The following ADGRF5 variants were observed in gnomAD, a reference collection of about 807,000 sequenced individuals.
ADGRF5 encodes adhesion G protein-coupled receptor F5, also known as G-protein coupled receptor 116.
A neutral mutation model predicts 132.3 loss-of-function variants in ADGRF5; 75 were observed. The observed-to-expected ratio is 0.57, with a 90% confidence interval of 0.47 to 0.69. The LOEUF is 0.69. ADGRF5 is among the 30% of genes least tolerant of loss of function. The pLI is 0.00. For synonymous variants in ADGRF5, 629 were observed against 597.6 expected (o/e 1.05, Z -0.77); for missense variants, 1,516 against 1,630.6 (o/e 0.93, Z 1.21).
At chr6:46,862,646 A>G (rs1445179667) in intron 15 of ADGRF5, among the ~76,000 whole-genome samples, 1 of 136,554 alleles carries the variant, frequency 7.3e-6, no homozygotes, top group African/African-American at 2.8e-5. Context: ...AGGTTAAGGT[A>G]TCTAGTCGGT....
chr6:46,863,083 T>G lies in ADGRF5; in HGVS notation c.2004A>C (p.Thr668=). The G allele has an allele frequency of 6.2e-7, 1 of 1,613,196 alleles. No homozygotes were observed. The highest frequency in any genetic ancestry group is 2.2e-5 in the East Asian group (1 of 44,862). The change falls in exon 15 of 21, where the codon ACA becomes ACC. Residue 668 remains threonine (T), a synonymous_variant. Coordinates refer to ENST00000283296, the MANE Select transcript of ADGRF5 (RefSeq NM_001098518.2). ...KLNLVPGENI[T]CQDPVIGVGE... ...CGACACCTATTACGGGATCCTGGCATGTGATGTTTTCCCCTGTGTTGGAAA... is the reference window on the plus strand; with the variant it reads ...CGACACCTATTACGGGATCCTGGCAGGTGATGTTTTCCCCTGTGTTGGAAA...
At chr6:46,901,221 G>A (rs954079521) in intron 2 of ADGRF5, among the ~76,000 whole-genome samples, 4 of 152,134 alleles carry the variant, frequency 2.6e-5, no homozygotes, top group Non-Finnish European at 5.9e-5. Flanking sequence ...CAGCTCTGCA[G>A]CTGGTAACAG....
chr6:46,873,927 C>A (rs1771359844), intron 10 of ADGRF5, among the ~76,000 whole-genome samples: 1 of 152,208 alleles, frequency 6.6e-6, no homozygotes, highest in Non-Finnish European at 1.5e-5. Context: ...TTAGATTACT[C>A]TTCTGAAATA....
Position 46,852,552 on chromosome 6 carries a change from G to A in ADGRF5, c.*1440C>T, listed in dbSNP as rs1768609193. On this transcript the variant is annotated 3_prime_UTR_variant, in exon 21 of 21. Transcript: ENST00000283296. ...GGATCGGACTTTTATTTGCAATGTA[G>A]CGTTGCTGTATCAATAGTACATGGT... 1 of 152,072 alleles carries A rather than the reference G, an allele frequency of 6.6e-6. No homozygotes were observed. Among genetic ancestry groups the A allele is most frequent in the South Asian group, 2.1e-4 (1 of 4,828 alleles). 9.4% of individuals were successfully genotyped at this position (152,072 alleles called of 1,614,324 possible).
chr6:46,860,297 C>G (rs1180753753), intron 16 of ADGRF5, among the ~76,000 whole-genome samples: 3 of 152,154 alleles, frequency 2.0e-5, no homozygotes, highest in African/African-American at 7.2e-5. Context: ...TCATTAAAGT[C>G]TCTTCATTTG....
At chr6:46,899,920 C>T in intron 3 of ADGRF5, 109 bp downstream of exon 3, 1 of 788,754 alleles carries the variant, frequency 1.3e-6, no homozygotes, top group Non-Finnish European at 2.3e-6. Flanking sequence ...CTATATGACC[C>T]TGATGTGATT....
At chr6:46,922,902 A>T (rs541782802), upstream of ADGRF5, among the ~76,000 whole-genome samples, 22 of 152,346 alleles carry the variant, frequency 1.4e-4, no homozygotes, top group Admixed American at 1.4e-3. Flanking sequence ...GTGGCCGGGT[A>T]CACATTACTT....
chr6:46,877,616 G>A (rs2150828512), intron 10 of ADGRF5, among the ~76,000 whole-genome samples: 1 of 151,882 alleles, frequency 6.6e-6, no homozygotes, highest in Non-Finnish European at 1.5e-5. Flanking sequence ...CTGGAGGGTG[G>A]GGAACTTTAG....
chr6:46,883,130 T>C (rs1772662671), intron 6 of ADGRF5, among the ~76,000 whole-genome samples: 1 of 152,244 alleles, frequency 6.6e-6, no homozygotes, highest in Admixed American at 6.5e-5. Context: ...GTCTTAGGTA[T>C]GAATGCCTAG....
chr6:46,899,971 C>G (rs545267614), intron 3 of ADGRF5, 58 bp downstream of exon 3: 8 of 1,169,796 alleles, frequency 6.8e-6, no homozygotes, highest in South Asian at 6.1e-5. Context: ...TAAAAAGTTG[C>G]AACACATACC....
chr6:46,915,941 C>CTCCCTTTCCCTT (rs1249899688), intron 1 of ADGRF5, among the ~76,000 whole-genome samples: 1 of 152,064 alleles, frequency 6.6e-6, no homozygotes, highest in Non-Finnish European at 1.5e-5. Flanking sequence ...CTCTGCAGCG[C>CTCCCTTTCCCTT]TCCCTTTCCC....
chr6:46,895,825 A>G lies in ADGRF5; in HGVS notation c.157+4204T>C, dbSNP rs147721236. Among the ~76,000 whole-genome samples the G allele has an allele frequency of 2.0e-5, 3 of 151,796 alleles. No individual in the cohort carries two copies. In the East Asian group the frequency reaches 5.9e-4, roughly 30 times the overall value. ...AAGAAACATCCACTTTCATTCCCCC[A>G]TGAAGAGTCCCCATAAGACTAAATT... is the stretch of plus-strand genomic sequence containing the variant. On this transcript the variant is annotated intron_variant, in intron 3 of 20. Transcript: ENST00000283296.
rs548238446 is a variant in ADGRF5 at position 46,858,562 on chromosome 6, C to T, written c.3341G>A (p.Arg1114His). 47 of 1,613,806 alleles carry T rather than the reference C, an allele frequency of 2.9e-5. No individual in the cohort carries two copies. Among genetic ancestry groups the T allele is most frequent in the Admixed American group, 1.5e-4 (9 of 59,994 alleles). ...TGTTTCATGCAGAATGAAAACCAGG[C>T]GATAGAACAGCATGAGGCCCAGTGT... is the stretch of plus-strand genomic sequence containing the variant. Reference protein sequence around the residue: ...MLTLGLMLFYRLVFILHETSR... With the variant: ...MLTLGLMLFYHLVFILHETSR... The change falls in exon 17 of 21, where the codon CGC becomes CAC. Residue 1114 changes from arginine to histidine, a missense_variant. By Grantham distance (29) the Arg-to-His change is conservative. Around this residue, in one of 2 missense-constraint regions of ADGRF5, gnomAD observed 571 missense variants for 701.2 expected, o/e 0.81. Coordinates refer to ENST00000283296, the MANE Select transcript of ADGRF5 (RefSeq NM_001098518.2).
rs571666972 is a variant in ADGRF5 at position 46,950,064 on chromosome 6, A to G, written c.-25+4670T>C. Among the ~76,000 whole-genome samples, 8 of 152,232 alleles carry G rather than the reference A, an allele frequency of 5.3e-5. No individual in the cohort carries two copies. The East Asian group carries it at 1.5e-3, about 29-fold the overall frequency. Reference sequence around the variant, plus strand: ...TTCATTTGGTGGCTTGGATCACCGCACTGACATCACGAGACTCTTGATAGC... The same window carrying G: ...TTCATTTGGTGGCTTGGATCACCGCGCTGACATCACGAGACTCTTGATAGC... On this transcript the variant is annotated intron_variant, in intron 1 of 20. Coordinates refer to the ADGRF5 transcript ENST00000265417.
In ADGRF5 at chr6:46,863,014, G is replaced by T; in HGVS notation, c.2073C>A (p.Asn691Lys). The T allele has an allele frequency of 6.2e-7, 1 of 1,613,804 alleles. No homozygotes were observed. Among genetic ancestry groups the T allele is most frequent in the Non-Finnish European group, 8.5e-7 (1 of 1,179,774 alleles). The change falls in exon 15 of 21, where the codon AAC becomes AAA. Residue 691 changes from asparagine to lysine, a missense_variant. Asn to Lys is a moderately conservative substitution (Grantham distance 94, BLOSUM62 0). Transcript: ENST00000283296. ...KVIQKLCRFSNVPSSPESPIG... is the reference protein window; with the variant it reads ...KVIQKLCRFSKVPSSPESPIG... ...TGGGACTCTCAGGGCTGCTGGGAAC[G>T]TTTGAGAACCGGCATAGCTTCTGGA...
intron 3 of ADGRF5, among the ~76,000 whole-genome samples, chr6:46,893,358 G>T (rs1318368289): frequency 6.6e-6 from 1 of 152,066 alleles, no homozygotes; most frequent in East Asian, 1.9e-4. Context: ...CATAGAGGCT[G>T]TGGCTGAGAC....
rs377018305 is a variant in ADGRF5 at position 46,882,146 on chromosome 6, C to T, written c.613-39G>A. 6.7e-5 allele frequency: 91 copies of T among 1,355,748 alleles called. 2 individuals are homozygous for T. The highest frequency in any genetic ancestry group is 5.4e-4 in the South Asian group (46 of 85,936). 84.0% of individuals were successfully genotyped at this position (1,355,748 alleles called of 1,614,324 possible). On this transcript the variant is annotated intron_variant, in intron 6 of 20. Coordinates refer to ENST00000283296, the MANE Select transcript of ADGRF5 (RefSeq NM_001098518.2). Reference sequence around the variant, plus strand: ...CAAGATGAATGTCATATATCAAAGTCGAGAAATAGGTGTATCAAAAGATCT... The same window carrying T: ...CAAGATGAATGTCATATATCAAAGTTGAGAAATAGGTGTATCAAAAGATCT...
At chr6:46,943,487 G>T (rs1326563228) in intron 1 of ADGRF5, among the ~76,000 whole-genome samples, 3 of 152,166 alleles carry the variant, frequency 2.0e-5, no homozygotes, top group Non-Finnish European at 4.4e-5. Flanking sequence ...ATTGTTGTTG[G>T]TGATGATGAT....
At chr6:46,893,454 G>A (rs1773867108) in intron 3 of ADGRF5, among the ~76,000 whole-genome samples, 1 of 152,086 alleles carries the variant, frequency 6.6e-6, no homozygotes, top group Admixed American at 6.6e-5. Context: ...CCCACATAGC[G>A]GTGGGGTCAG....
Sources: allele counts gnomAD v4.1 joint callset (sites outside exome capture counted in the v4.1 genomes callset), GRCh38; gene constraint gnomAD v4.1.1; regional missense constraint gnomAD v4.1.1; transcripts MANE v1.5; gene names NCBI Gene and HGNC (gene_info 2026-07-23, HGNC 2026-07-21).